CYP3A43: variants seen among roughly 807,000 people sequenced by gnomAD.
The protein encoded by CYP3A43 is cytochrome P450 3A43.
CYP3A43 carries 45 observed loss-of-function variants against 58.0 expected under a neutral mutation model. The observed-to-expected ratio is 0.78, with a 90% CI of 0.61 to 0.99. CYP3A43 has a LOEUF of 0.99. Among genes scored for constraint, CYP3A43 ranks in the 50% least tolerant of loss-of-function variants. The pLI is 0.00. For missense variants in CYP3A43, 593 were observed against 591.9 expected (o/e 1.00, Z -0.02); for synonymous variants, 191 against 201.4 (o/e 0.95, Z 0.44).
intron 12 of CYP3A43, among the ~76,000 whole-genome samples, chr7:99,864,295 ATACT>A (rs1364607836): frequency 6.7e-6 from 1 of 148,944 alleles, no homozygotes; most frequent in Non-Finnish European, 1.5e-5. Flanking sequence ...GATAGAAAAG[ATACT>A]TACAGTCCAA....
chr7:99,850,733 T>C (rs1292210101), intron 7 of CYP3A43, among the ~76,000 whole-genome samples: 3 of 152,226 alleles, frequency 2.0e-5, no homozygotes, highest in African/African-American at 4.8e-5. Flanking sequence ...GCACACATCA[T>C]ATAAATTGAA....
At chr7:99,858,362 G>A (rs568451379) in intron 9 of CYP3A43, among the ~76,000 whole-genome samples, 2 of 152,012 alleles carry the variant, frequency 1.3e-5, no homozygotes, top group Non-Finnish European at 2.9e-5. Flanking sequence ...TGGTTGGAGT[G>A]GGCACCATAT....
chr7:99,855,671 A>G lies in CYP3A43; in HGVS notation c.751A>G (p.Asn251Asp). ...AAAAGATGTTACCCATTTTTTAAAA[A>G]ATTCCATTGAAAGGATGAAAGAAAG... Reference protein sequence around the residue: ...FPKDVTHFLKNSIERMKESRL... With the variant: ...FPKDVTHFLKDSIERMKESRL... Residue 251 changes from asparagine to aspartate, a missense_variant, in exon 8 of 13, where the codon AAT becomes GAT. Asn to Asp is a conservative substitution (Grantham distance 23, BLOSUM62 1). Coordinates refer to ENST00000354829, the MANE Select transcript of CYP3A43 (RefSeq NM_057095.3). 6.2e-7 allele frequency: 1 copy of G among 1,613,170 alleles called. No individual in the cohort carries two copies.
At chr7:99,852,560 T>C (rs897972176) in intron 7 of CYP3A43, among the ~76,000 whole-genome samples, 8 of 152,218 alleles carry the variant, frequency 5.3e-5, no homozygotes, top group Non-Finnish European at 8.8e-5. Context: ...TTTGATGTTA[T>C]GGTAAATACA....
At chr7:99,832,019 A>G (rs183407822) in intron 1 of CYP3A43, among the ~76,000 whole-genome samples, 66 of 152,286 alleles carry the variant, frequency 4.3e-4, no homozygotes, top group Middle Eastern at 3.4e-3. Flanking sequence ...GAAGCCTTGA[A>G]TATGGTTGTC....
intron 7 of CYP3A43, among the ~76,000 whole-genome samples, chr7:99,852,833 C>G (rs1817815135): frequency 6.6e-6 from 1 of 152,154 alleles, no homozygotes; most frequent in Admixed American, 6.6e-5. Context: ...GTTTTTATCA[C>G]AAAAGTCTTT....
intron 1 of CYP3A43, among the ~76,000 whole-genome samples, chr7:99,836,113 AGTATATCT>A (rs1324040570): frequency 6.6e-6 from 1 of 152,216 alleles, no homozygotes; most frequent in African/African-American, 2.4e-5. Context: ...CATGTGTGCC[AGTATATCT>A]GTCTTTGGTC....
chr7:99,860,299 A>G (rs1250837478), intron 10 of CYP3A43, among the ~76,000 whole-genome samples: 1 of 152,180 alleles, frequency 6.6e-6, no homozygotes, highest in East Asian at 1.9e-4. Context: ...TATTGCTCAC[A>G]AGTCTGGATA....
chr7:99,838,768 T>G (rs1293297871), intron 2 of CYP3A43: 2 of 860,820 alleles, frequency 2.3e-6, no homozygotes, highest in African/African-American at 3.6e-5. Context: ...TCACCTAAGG[T>G]CAGGAGTTCG....
intron 4 of CYP3A43, among the ~76,000 whole-genome samples, chr7:99,846,671 CA>C (rs1307569240): frequency 6.6e-6 from 1 of 152,072 alleles, no homozygotes; most frequent in Non-Finnish European, 1.5e-5. Flanking sequence ...TGGAGGAAAG[CA>C]TTCATTTTTT....
rs766004058 is a variant in CYP3A43, at chr7:99,863,581, T to C, written c.1298T>C (p.Ile433Thr). 1.2e-6 allele frequency: 2 copies of C among 1,613,784 alleles called. No individual in the cohort carries two copies. Among genetic ancestry groups the C allele is most frequent in the Non-Finnish European group, 1.7e-6 (2 of 1,179,926 alleles). Residue 433 changes from isoleucine (I) to threonine (T), a missense_variant, in exon 12 of 13, where the codon ATA (isoleucine) becomes ACA (threonine). Ile to Thr is a moderately conservative substitution (Grantham distance 89). Transcript: ENST00000354829. Reference protein sequence around the residue: ...NKDSIDLYRYIPFGAGPRNCI... With the variant: ...NKDSIDLYRYTPFGAGPRNCI... ...GACAGCATAGATCTTTACAGATACA[T>C]ACCTTTTGGAGCTGGACCCCGAAAC...
intron 4 of CYP3A43, among the ~76,000 whole-genome samples, chr7:99,846,278 T>G (rs1284837494): frequency 1.3e-5 from 2 of 152,232 alleles, no homozygotes; most frequent in African/African-American, 4.8e-5. Context: ...ATCAACGTTT[T>G]GTAATTTTTA....
intron 12 of CYP3A43, among the ~76,000 whole-genome samples, chr7:99,864,354 G>A (rs566826897): frequency 2.7e-5 from 4 of 148,902 alleles, no homozygotes; most frequent in South Asian, 2.1e-4. Flanking sequence ...GCACTGCTTC[G>A]CTGCTTCATA....
In CYP3A43 at chr7:99,863,586, T is replaced by C; in HGVS notation, c.1303T>C (p.Phe435Leu). ...CATAGATCTTTACAGATACATACCT[T>C]TTGGAGCTGGACCCCGAAACTGCAT... ...DSIDLYRYIP[F>L]GAGPRNCIGM... The change falls in exon 12 of 13, where the codon TTT becomes CTT. Residue 435 changes from phenylalanine to leucine, a missense_variant. Transcript: ENST00000354829. 6.2e-7 allele frequency: 1 copy of C among 1,614,014 alleles called. No individual in the cohort carries two copies. Among genetic ancestry groups the C allele is most frequent in the Non-Finnish European group, 8.5e-7 (1 of 1,179,956 alleles).
rs565393621 is a variant in CYP3A43 at position 99,838,945 on chromosome 7, A to G, written c.166-175A>G. The G allele has an allele frequency of 9.4e-5, 68 of 726,882 alleles. No homozygotes were observed. In the African/African-American group the frequency reaches 1.1e-3, roughly 12 times the overall value. 45.0% of individuals were successfully genotyped at this position (726,882 alleles called of 1,614,324 possible). On this transcript the variant is annotated intron_variant, in intron 2 of 12. Coordinates refer to ENST00000354829, the MANE Select transcript of CYP3A43 (RefSeq NM_057095.3). ...CAATGAGCCAAGATCGCACCATTGC[A>G]CTCCAGCCTGGGCAGCAGAAAAAAA...
At chr7:99,853,770 G>A (rs535671372) in intron 7 of CYP3A43, among the ~76,000 whole-genome samples, 11 of 152,136 alleles carry the variant, frequency 7.2e-5, no homozygotes, top group Non-Finnish European at 1.2e-4. Context: ...TGGTCAAGCT[G>A]GTCTCGAATT....
chr7:99,841,643 C>T (rs558593014), intron 3 of CYP3A43, among the ~76,000 whole-genome samples: 113 of 152,196 alleles, frequency 7.4e-4, no homozygotes, highest in African/African-American at 2.7e-3. Context: ...GTGATCTGCC[C>T]GCCTTGGCCT....
intron 2 of CYP3A43, among the ~76,000 whole-genome samples, chr7:99,838,299 T>C (rs1242232134): frequency 2.0e-5 from 3 of 152,264 alleles, no homozygotes; most frequent in Non-Finnish European, 2.9e-5. Flanking sequence ...TGGACTTTTA[T>C]TTAAATCTGC....
intron 4 of CYP3A43, among the ~76,000 whole-genome samples, chr7:99,845,928 A>G (rs968514837): frequency 1.3e-5 from 2 of 151,544 alleles, no homozygotes; most frequent in African/African-American, 4.8e-5. Context: ...GGCATGCGGC[A>G]CCATGCCCAG....
Sources: allele counts gnomAD v4.1 joint callset (sites outside exome capture counted in the v4.1 genomes callset), GRCh38; gene constraint gnomAD v4.1.1; transcripts MANE v1.5; gene names NCBI Gene and HGNC (gene_info 2026-07-23, HGNC 2026-07-21).